Variants in DNAH1 observed in about 807,000 individuals in gnomAD.
DNAH1 encodes the protein dynein axonemal heavy chain 1.
Under a neutral mutation model 484.3 loss-of-function variants are expected in DNAH1, and 327 were observed. The observed-to-expected ratio is 0.68, with a 90% confidence interval of 0.62 to 0.74. The LOEUF (loss-of-function observed/expected upper bound fraction) is 0.74, where lower values mean the gene tolerates loss of function less well. DNAH1 is among the 30% of genes least tolerant of loss of function. The pLI is 0.00. For synonymous variants in DNAH1, 2,192 were observed against 2,191.9 expected, an observed-to-expected ratio of 1.00 and a Z score of 0.00; for missense variants, 5,052 against 5,546.8, an observed-to-expected ratio of 0.91 and a Z score of 2.83.
Position 52,399,932 on chromosome 3 carries a change from A to G in DNAH1, c.12676+153A>G, listed in dbSNP as rs571451214. Among the ~76,000 whole-genome samples the G allele has an allele frequency of 2.6e-5, 4 of 152,338 alleles. No individual in the cohort carries two copies. The South Asian group carries it at 6.2e-4, about 24-fold the overall frequency. ...CAAGCAGCAGGCAGGTTAATGCCCA[A>G]GGCCTGCCGTCTGGCTGTGGGGAGC... On this transcript the variant is annotated intron_variant, in intron 77 of 77. Coordinates refer to ENST00000420323, the MANE Select transcript of DNAH1 (RefSeq NM_015512.5).
chr3:52,370,511 G>T lies in DNAH1; in HGVS notation c.6293G>T (p.Arg2098Leu), dbSNP rs373906923. The T allele has an allele frequency of 1.3e-5, 21 of 1,613,960 alleles. No individual in the cohort carries two copies. The South Asian group carries it at 2.1e-4, about 16-fold the overall frequency. The stretch of plus-strand genomic sequence containing the variant: ...AAAATACCCTCTGAAAAGCTGAGTC[G>T]CATCGTAGAGTTGATCGAGCCCTGG... ...LKKIPSEKLS[R>L]IVELIEPWFI... Residue 2098 changes from arginine to leucine, a missense_variant, in exon 40 of 78, where the codon CGC becomes CTC. Arg to Leu is a moderately radical substitution (Grantham distance 102). Around this residue, in one of 4 missense-constraint regions of DNAH1, gnomAD observed 2,929 missense variants for 3,409.4 expected, o/e 0.86. Transcript: ENST00000420323.
chr3:52,370,188 A>C lies in DNAH1; in HGVS notation c.6217A>C (p.Lys2073Gln). The C allele has an allele frequency of 6.2e-7, 1 of 1,614,026 alleles. No individual in the cohort carries two copies. The change falls in exon 39 of 78, where the codon AAG (lysine) becomes CAG (glutamine). Residue 2073 changes from lysine (K) to glutamine (Q), a missense_variant. Lys to Gln is a moderately conservative substitution (Grantham distance 53, BLOSUM62 1). This residue lies in a region of DNAH1 where 2,929 missense variants were observed against 3,409.4 expected (regional missense o/e 0.86). Transcript: ENST00000420323. ...CTGCAACCTGACCATGAGCCTCCTC[A>C]AGCTGCTGGACTGCTTCTTCAAGCC... ...TNCNLTMSLL[K>Q]LLDCFFKPFL...
Position 52,394,447 on chromosome 3 carries a change from C to T in DNAH1, c.10627-18C>T. 6.2e-7 allele frequency: 1 copy of T among 1,613,502 alleles called. No individual in the cohort carries two copies. The highest frequency in any genetic ancestry group is 8.5e-7 in the Non-Finnish European group (1 of 1,179,678). On this transcript the variant is annotated intron_variant, in intron 66 of 77. Coordinates refer to ENST00000420323, the MANE Select transcript of DNAH1 (RefSeq NM_015512.5). ...CTGGCCAGGGCCTGGGCATCAGCCT[C>T]CTCCTGTCCCCTGCCAGAGTGAGTG...
In DNAH1 at chr3:52,375,423, G is replaced by GTCC; in HGVS notation, c.7159+10_7159+11insTCC. 2 of 1,610,290 alleles carry GTCC rather than the reference G, an allele frequency of 1.2e-6. No individual in the cohort carries two copies. The highest frequency in any genetic ancestry group is 1.7e-6 in the Non-Finnish European group (2 of 1,178,770). On this transcript the variant is annotated intron_variant, in intron 45 of 77. Coordinates refer to ENST00000420323, the MANE Select transcript of DNAH1 (RefSeq NM_015512.5). ...CTGGGCAACTGGTTGGGTGAGTATT[G>GTCC]GTGGGGGTGAGCATGGACAAAGGCA...
intron 46 of DNAH1, among the ~76,000 whole-genome samples, chr3:52,377,090 C>T (rs376620626): frequency 6.6e-6 from 1 of 152,176 alleles, no homozygotes; most frequent in African/African-American, 2.4e-5. Flanking sequence ...GCTGGCAACT[C>T]CCAAGTCTAC....
At position 52,375,359 on chromosome 3, in the gene DNAH1, A is replaced by G. The variant is rs766888269; in HGVS notation, c.7105A>G (p.Met2369Val). The G allele has an allele frequency of 6.2e-7, 1 of 1,613,706 alleles. No homozygotes were observed. The highest frequency in any genetic ancestry group is 8.5e-7 in the Non-Finnish European group (1 of 1,179,786). Residue 2369 changes from methionine to valine, a missense_variant, in exon 45 of 78, where the codon ATG becomes GTG. Met to Val is a conservative substitution (Grantham distance 21). Coordinates refer to ENST00000420323, the MANE Select transcript of DNAH1 (RefSeq NM_015512.5). ...CTTCAACTACCTGTCTTTCGCTGAGATGGACGAGGTCAGCAAGAAACGCAT... is the reference window on the plus strand; with the variant it reads ...CTTCAACTACCTGTCTTTCGCTGAGGTGGACGAGGTCAGCAAGAAACGCAT... ...RHFNYLSFAE[M>V]DEVSKKRIFS...
chr3:52,388,695 G>T (rs747227257), intron 58 of DNAH1, 86 bp downstream of exon 58: 9 of 1,606,334 alleles, frequency 5.6e-6, no homozygotes, highest in South Asian at 1.1e-5. Context: ...GGGTCCTGGG[G>T]TGGCTGTCCA....
chr3:52,358,235 T>C lies in DNAH1; in HGVS notation c.4086+232T>C, dbSNP rs573053435. Among the ~76,000 whole-genome samples the C allele has an allele frequency of 6.6e-6, 1 of 152,210 alleles. No homozygotes were observed. Among genetic ancestry groups the C allele is most frequent in the Non-Finnish European group, 1.5e-5 (1 of 68,020 alleles). ...GGCGCTCCCTGTGCCCCCAGCACAC[T>C]GCAAAACCCATGAGGCCAGAAGCCT... On this transcript the variant is annotated intron_variant, in intron 24 of 77. Transcript: ENST00000420323. This position sits in a 1 kb window ranked among gnomAD's most constrained non-coding sequence, Gnocchi z 4.2.
In DNAH1 at chr3:52,364,823, C is replaced by T; in HGVS notation, c.5332-10C>T. The T allele has an allele frequency of 6.2e-7, 1 of 1,611,732 alleles. No homozygotes were observed. The highest frequency in any genetic ancestry group is 1.3e-5 in the African/African-American group (1 of 75,018). On this transcript the variant is annotated splice_polypyrimidine_tract_variant and intron_variant, in intron 33 of 77. Transcript: ENST00000420323. The surrounding 1 kb of genome is among the most constrained non-coding windows in gnomAD (Gnocchi z 4.2). ...CACTGCCCTGAAGGCTCAGCCGGCA[C>T]CTGCTGCAGGAGCTGATCTGCCTCC...
chr3:52,380,208 C>A, intron 48 of DNAH1, 73 bp downstream of exon 48: 2 of 1,313,964 alleles, frequency 1.5e-6, no homozygotes, highest in Non-Finnish European at 2.1e-6. Flanking sequence ...CCCAGGCCCC[C>A]TGCAGTCACC....
intron 50 of DNAH1, 140 bp from the exon 51 acceptor site, chr3:52,383,246 G>A: frequency 2.7e-6 from 2 of 738,906 alleles, no homozygotes; most frequent in South Asian, 1.8e-5. Flanking sequence ...CTGTTATGAG[G>A]TCACTTTTGT....
At chr3:52,384,174 C>T in intron 52 of DNAH1, 143 bp downstream of exon 52, 4 of 882,344 alleles carry the variant, frequency 4.5e-6, no homozygotes, top group South Asian at 3.7e-5. Context: ...CTGTCTAAGC[C>T]TCCATTTCCT....
intron 45 of DNAH1, 127 bp from the exon 46 acceptor site, chr3:52,375,828 A>T: frequency 9.1e-7 from 1 of 1,097,406 alleles, no homozygotes; most frequent in Non-Finnish European, 1.4e-6. Context: ...AGTGTCTCTG[A>T]GCCTTTATGG....
chr3:52,398,540 G>A (rs906869779), intron 75 of DNAH1, among the ~76,000 whole-genome samples: 6 of 152,074 alleles, frequency 3.9e-5, no homozygotes, highest in Admixed American at 1.3e-4. Context: ...CGCCTGCCTC[G>A]GCCTCCCAAA....
intron 66 of DNAH1, among the ~76,000 whole-genome samples, chr3:52,393,866 T>C (rs1287875831): frequency 1.3e-5 from 2 of 152,196 alleles, no homozygotes; most frequent in Non-Finnish European, 1.5e-5. Flanking sequence ...GCCACTGCAC[T>C]CCAGCCTGGA....
chr3:52,358,696 G>A lies in DNAH1; in HGVS notation c.4225G>A (p.Val1409Met). The A allele has an allele frequency of 6.2e-7, 1 of 1,613,094 alleles. No individual in the cohort carries two copies. Among genetic ancestry groups the A allele is most frequent in the Non-Finnish European group, 8.5e-7 (1 of 1,179,772 alleles). The part of the protein sequence containing the change: ...REVERSMKAS[V>M]HDIIEKAIRA... The stretch of plus-strand genomic sequence containing the variant: ...GGTGGAGCGCAGCATGAAGGCCAGT[G>A]TGCACGACATCATTGAGAAGGCCAT... The change falls in exon 25 of 78, where the codon GTG becomes ATG. Residue 1409 changes from valine (V) to methionine (M), a missense_variant. Transcript: ENST00000420323. This position sits in a 1 kb window ranked among gnomAD's most constrained non-coding sequence, Gnocchi z 4.2.
chr3:52,313,703 AAACCC>A (rs1161262800), upstream of DNAH1, among the ~76,000 whole-genome samples: 1 of 152,158 alleles, frequency 6.6e-6, no homozygotes, highest in African/African-American at 2.4e-5. Flanking sequence ...TCTTTGGAAC[AAACCC>A]TTCCTTACTG....
Position 52,396,814 on chromosome 3 carries a change from C to A in DNAH1, c.11610+17C>A, listed in dbSNP as rs746642300. On this transcript the variant is annotated intron_variant, in intron 72 of 77. Coordinates refer to ENST00000420323, the MANE Select transcript of DNAH1 (RefSeq NM_015512.5). Reference sequence around the variant, plus strand: ...CCCTACAAGGTGGGCCTGGGGCAGACTGGGGCCTGGGGGACTGGGCACTTA... The same window carrying A: ...CCCTACAAGGTGGGCCTGGGGCAGAATGGGGCCTGGGGGACTGGGCACTTA... The A allele has an allele frequency of 2.3e-5, 37 of 1,612,256 alleles. No homozygotes were observed. Among genetic ancestry groups the A allele is most frequent in the Non-Finnish European group, 6.8e-6 (8 of 1,179,078 alleles).
intron 36 of DNAH1, among the ~76,000 whole-genome samples, chr3:52,367,577 CCTT>C (rs1703139026): frequency 6.6e-6 from 1 of 151,788 alleles, no homozygotes; most frequent in African/African-American, 2.4e-5. Flanking sequence ...ATTCAATGAT[CCTT>C]TTTTTTTTTT....
Sources: gnomAD v4.1 joint callset for allele counts (sites outside exome capture counted in the v4.1 genomes callset) on GRCh38, gnomAD v4.1.1 for gene constraint, gnomAD v4.1.1 regional missense constraint, Gnocchi (gnomAD v3.1) non-coding constraint, MANE v1.5 for transcripts, NCBI Gene and HGNC (gene_info 2026-07-23, HGNC 2026-07-21) for gene names.